VPS13C: variants seen among roughly 807,000 people sequenced by gnomAD.
VPS13C encodes the protein intermembrane lipid transfer protein VPS13C.
Under a neutral mutation model 456.8 loss-of-function variants are expected in VPS13C, and 358 were observed. The observed-to-expected ratio is 0.78, with a 90% confidence interval of 0.72 to 0.86. The LOEUF is 0.86. Ranked by LOEUF, VPS13C falls within the 40% of genes least tolerant of loss-of-function variation. VPS13C has a pLI of 0.00. For missense variants in VPS13C, 4,818 were observed against 4,385.4 expected (o/e 1.10, Z -2.79); for synonymous variants, 1,578 against 1,486.7 (o/e 1.06, Z -1.41).
intron 66 of VPS13C, 184 bp downstream of exon 66, chr15:61,907,080 A>C: frequency 2.9e-5 from 19 of 661,004 alleles, no homozygotes; most frequent in Non-Finnish European, 4.7e-5. Flanking sequence ...TTACTTTGAT[A>C]GAGCTAAGGT....
chr15:61,977,159 A>T lies in VPS13C; in HGVS notation c.2331T>A (p.Thr777=). 6.3e-7 allele frequency: 1 copy of T among 1,581,282 alleles called. No homozygotes were observed. The highest frequency in any genetic ancestry group is 8.6e-7 in the Non-Finnish European group (1 of 1,166,100). The change falls in exon 24 of 85, where the codon ACT becomes ACA. Residue 777 remains threonine (T), a synonymous_variant. Transcript: ENST00000644861. Reference sequence around the variant, plus strand: ...TATCCATGGGTTGCAATATATGCATAGTTGATGGATGCTGAAATCGACACT... The same window carrying T: ...TATCCATGGGTTGCAATATATGCATTGTTGATGGATGCTGAAATCGACACT... ...WKKCRFQHPS[T]MHILQPMDIH...
In VPS13C at chr15:61,922,668, A is replaced by G. The variant is rs1472048973; in HGVS notation, c.6704T>C (p.Met2235Thr). ...EDGSKDTSKE[M>T]ENLWGIKSIN... ...CGATTTGATACCCCAAAGATTTTCC[A>G]TTTCCTTAGACGTATCTTTGGATCC... The change falls in exon 54 of 85, where the codon ATG becomes ACG. Residue 2235 changes from methionine (M) to threonine (T), a missense_variant. This residue lies in a region of VPS13C where 4,552 missense variants were observed against 4,130.6 expected (regional missense o/e 1.10). Coordinates refer to ENST00000644861, the MANE Select transcript of VPS13C (RefSeq NM_020821.3). 1.9e-6 allele frequency: 3 copies of G among 1,613,858 alleles called. No homozygotes were observed. The East Asian group carries it at 6.7e-5, about 36-fold the overall frequency.
Position 61,880,871 on chromosome 15 carries a change from G to A in VPS13C, c.9860C>T (p.Thr3287Ile), listed in dbSNP as rs140034886. Residue 3287 changes from threonine (T) to isoleucine (I), a missense_variant, in exon 72 of 85, where the codon ACA becomes ATA. Physicochemically the swap from Thr to Ile is moderately conservative, Grantham distance 89. Coordinates refer to ENST00000644861, the MANE Select transcript of VPS13C (RefSeq NM_020821.3). The stretch of plus-strand genomic sequence containing the variant: ...TCTTCTTTCAGCTTCAGGGTCTGTT[G>A]TTGGGGTAAACAGTGCAATAATAGC... ...LGAIIALFTP[T>I]TDPEAERRRT... is the part of the protein sequence containing the mutation. 208 of 1,605,448 alleles carry A rather than the reference G, an allele frequency of 1.3e-4. 1 individual carries two copies. The highest frequency in any genetic ancestry group is 1.7e-4 in the Non-Finnish European group (196 of 1,177,312).
chr15:61,983,796 G>T (rs1423207225), intron 20 of VPS13C, 24 bp downstream of exon 20: 2 of 1,605,596 alleles, frequency 1.2e-6, no homozygotes. Flanking sequence ...TTTAAATAAA[G>T]AGTTACTTTC....
chr15:61,985,131 A>G, intron 18 of VPS13C, 132 bp from the exon 19 acceptor site: 1 of 628,822 alleles, frequency 1.6e-6, no homozygotes. Context: ...TGGCATCCAC[A>G]TGCTCACCAT....
chr15:62,060,261 G>T lies in VPS13C; in HGVS notation c.100+14C>A, dbSNP rs371520384. ...TCAGCGCCCGCAGCCCACTGGCCGC[G>T]CCCTCTCGCTTACCGCCCCAGATGC... On this transcript the variant is annotated intron_variant, in intron 1 of 84. Transcript: ENST00000644861. 5.0e-5 allele frequency: 78 copies of T among 1,565,222 alleles called. No homozygotes were observed. The African/African-American group carries it at 9.9e-4, about 20-fold the overall frequency.
intron 79 of VPS13C, among the ~76,000 whole-genome samples, chr15:61,869,882 T>C (rs1369490791): frequency 2.0e-5 from 3 of 152,182 alleles, no homozygotes; most frequent in African/African-American, 7.2e-5. Context: ...TATGTTTTTC[T>C]AAGCACTCCA....
Position 61,863,498 on chromosome 15 carries a change from A to G in VPS13C, c.10894T>C (p.Tyr3632His). 1 of 1,612,940 alleles carries G rather than the reference A, an allele frequency of 6.2e-7. No homozygotes were observed. The highest frequency in any genetic ancestry group is 1.3e-5 in the African/African-American group (1 of 74,982). Residue 3632 changes from tyrosine (Y) to histidine (H), a missense_variant, in exon 82 of 85, where the codon TAC (tyrosine) becomes CAC (histidine). This residue lies in a region of VPS13C where 261 missense variants were observed against 234.1 expected (regional missense o/e 1.11). Coordinates refer to ENST00000644861, the MANE Select transcript of VPS13C (RefSeq NM_020821.3). ...CCAGGAATAGCACAGTGGTATCGGT[A>G]AGTCTCTCCTTCCAACTTTTTGATA... The part of the protein sequence containing the change: ...NHIKKLEGET[Y>H]RYHCAIPGSK...
At chr15:62,032,655 C>A (rs771808739) in intron 5 of VPS13C, among the ~76,000 whole-genome samples, 16 of 151,714 alleles carry the variant, frequency 1.1e-4, no homozygotes, top group Non-Finnish European at 2.2e-4. Context: ...TAATTAACAT[C>A]ATTTCTAACT....
intron 82 of VPS13C, among the ~76,000 whole-genome samples, chr15:61,860,212 T>C (rs888844071): frequency 7.9e-5 from 12 of 152,088 alleles, no homozygotes; most frequent in African/African-American, 2.9e-4. Flanking sequence ...CAAATATAAA[T>C]AGATGATGAT....
rs1450649749 is a variant in VPS13C at position 61,946,437 on chromosome 15, T to C, written c.4877-27A>G. The C allele has an allele frequency of 3.2e-6, 5 of 1,543,458 alleles. No individual in the cohort carries two copies. In the Admixed American group the frequency reaches 5.9e-5, roughly 18 times the overall value. On this transcript the variant is annotated intron_variant, in intron 43 of 84. Transcript: ENST00000644861. The stretch of plus-strand genomic sequence containing the variant: ...TATAGGAAACATAACATTTATAAAC[T>C]TTTCACCCAATCCACATGACTAAGC...
intron 1 of VPS13C, among the ~76,000 whole-genome samples, chr15:62,052,691 AAAAG>A (rs2048664283): frequency 1.3e-5 from 2 of 151,750 alleles, no homozygotes; most frequent in Non-Finnish European, 2.9e-5. Context: ...AAAAAAAAAA[AAAAG>A]AATACCAAAG....
At position 61,856,280 on chromosome 15, in the gene VPS13C, TCTTAC is replaced by T. The variant is rs1893900003; in HGVS notation, c.11076+1_11076+5del. Reference sequence around the variant, plus strand: ...TTAGCTCTAAAGGTGTGACATGTTTTCTTACCTTAACTGAAATTTTTAGCACATTT... The same window carrying T: ...TTAGCTCTAAAGGTGTGACATGTTTTCTTAACTGAAATTTTTAGCACATTT... On this transcript the variant is annotated splice_donor_variant and splice_donor_5th_base_variant and intron_variant, in intron 83 of 84. Coordinates refer to ENST00000644861, the MANE Select transcript of VPS13C (RefSeq NM_020821.3). LOFTEE classifies it high-confidence loss of function. The T allele has an allele frequency of 6.2e-7, 1 of 1,612,860 alleles. No homozygotes were observed.
At chr15:62,016,166 C>A (rs2047239904) in intron 9 of VPS13C, among the ~76,000 whole-genome samples, 1 of 151,122 alleles carries the variant, frequency 6.6e-6, no homozygotes, top group Admixed American at 6.6e-5. Flanking sequence ...CCCTACCATT[C>A]TTCTTCCTCT....
intron 19 of VPS13C, 94 bp from the exon 20 acceptor site, chr15:61,984,106 G>A: frequency 8.6e-7 from 1 of 1,160,324 alleles, no homozygotes; most frequent in South Asian, 1.5e-5. Flanking sequence ...ACGTCTTTGA[G>A]AACCAGGACC....
intron 27 of VPS13C, 86 bp from the exon 28 acceptor site, chr15:61,969,538 T>A: frequency 1.1e-6 from 1 of 878,146 alleles, no homozygotes; most frequent in Non-Finnish European, 1.6e-6. Flanking sequence ...TCCATACACA[T>A]CACCATGAGA....
At chr15:61,888,481 A>T (rs188886632) in intron 67 of VPS13C, among the ~76,000 whole-genome samples, 33 of 152,312 alleles carry the variant, frequency 2.2e-4, no homozygotes, top group African/African-American at 7.9e-4. Flanking sequence ...AACAAACTGG[A>T]GTAATAGTCC....
chr15:62,039,882 A>C (rs1276601093), intron 3 of VPS13C, among the ~76,000 whole-genome samples: 1 of 152,178 alleles, frequency 6.6e-6, no homozygotes, highest in Non-Finnish European at 1.5e-5. Flanking sequence ...AAAGGAAATC[A>C]GTATATTGAA....
intron 49 of VPS13C, 90 bp downstream of exon 49, chr15:61,934,129 G>T: frequency 1.3e-6 from 1 of 747,180 alleles, no homozygotes; most frequent in Non-Finnish European, 2.0e-6. Context: ...ATGTTTTAAT[G>T]AAAAGTCCCA....
Sources: allele counts gnomAD v4.1 joint callset (sites outside exome capture counted in the v4.1 genomes callset), GRCh38; gene constraint gnomAD v4.1.1; regional missense constraint gnomAD v4.1.1; transcripts MANE v1.5; gene names NCBI Gene and HGNC (gene_info 2026-07-23, HGNC 2026-07-21).